The following SYT16 variants were observed in gnomAD, a reference collection of about 807,000 sequenced individuals.
SYT16 encodes the protein synaptotagmin 16.
SYT16 carries 42 observed loss-of-function variants against 61.4 expected under a neutral mutation model. That is an observed-to-expected ratio of 0.68 (90% CI 0.53 to 0.89). The LOEUF is 0.89. Among genes scored for constraint, SYT16 ranks in the 40% least tolerant of loss-of-function variants. The pLI is 0.00. For synonymous variants in SYT16, 314 were observed against 302.3 expected (o/e 1.04, Z -0.40); for missense variants, 804 against 807.3 (o/e 1.00, Z 0.05).
Position 62,105,464 on chromosome 14 carries a change from A to T in SYT16, c.*4757A>T, listed in dbSNP as rs1434636387. 1 of 152,246 alleles carries T rather than the reference A, an allele frequency of 6.6e-6. No homozygotes were observed. Among genetic ancestry groups the T allele is most frequent in the Non-Finnish European group, 1.5e-5 (1 of 68,042 alleles). The allele number at this position is 152,246 out of a possible 1,614,324, so 9.4% of individuals were successfully genotyped here. On this transcript the variant is annotated 3_prime_UTR_variant, in exon 8 of 8. Coordinates refer to ENST00000683842, the MANE Select transcript of SYT16 (RefSeq NM_001367656.1). ...TTATATCCTGATAGCCAAACATTTT[A>T]AAATACTCTAATAACACAGCTCTCA... is the stretch of plus-strand genomic sequence containing the variant.
chr14:61,942,209 AT>A (rs1168949148), intron 1 of SYT16, among the ~76,000 whole-genome samples: 7 of 152,110 alleles, frequency 4.6e-5, no homozygotes, highest in Non-Finnish European at 5.9e-5. Context: ...ATCATTTCTT[AT>A]TTTATAATAG....
At chr14:61,861,801 C>T (rs1453191872) in intron 1 of SYT16, among the ~76,000 whole-genome samples, 1 of 152,182 alleles carries the variant, frequency 6.6e-6, no homozygotes, top group Non-Finnish European at 1.5e-5. Flanking sequence ...AAGTGAGTCA[C>T]ACAAATGTTT....
At chr14:61,947,868 C>T (rs1428984935) in intron 1 of SYT16, among the ~76,000 whole-genome samples, 3 of 152,186 alleles carry the variant, frequency 2.0e-5, no homozygotes, top group South Asian at 2.1e-4. Context: ...GAGGCGTTGA[C>T]TTTCCAGAGG....
At chr14:61,927,618 T>G (rs2049588876) in intron 1 of SYT16, among the ~76,000 whole-genome samples, 1 of 152,212 alleles carries the variant, frequency 6.6e-6, no homozygotes, top group South Asian at 2.1e-4. Flanking sequence ...GATTAAATTA[T>G]TAAGGCAGAA....
intron 1 of SYT16, among the ~76,000 whole-genome samples, chr14:61,925,567 A>G (rs1470783583): frequency 6.6e-6 from 1 of 152,212 alleles, no homozygotes; most frequent in Non-Finnish European, 1.5e-5. Flanking sequence ...ATGTACAAAA[A>G]AGGGGGTTTC....
intron 3 of SYT16, among the ~76,000 whole-genome samples, chr14:62,057,612 G>T (rs2055623291): frequency 1.3e-5 from 2 of 152,190 alleles, no homozygotes; most frequent in African/African-American, 4.8e-5. Flanking sequence ...AGGAAGACAA[G>T]TACTTATTGG....
At chr14:61,975,140 T>C (rs2051731591) in intron 2 of SYT16, among the ~76,000 whole-genome samples, 1 of 152,348 alleles carries the variant, frequency 6.6e-6, no homozygotes, top group East Asian at 1.9e-4. Flanking sequence ...CCATCATAAA[T>C]TGAGAATATT....
chr14:61,865,167 GC>G, intron 1 of SYT16: 1 of 1,215,162 alleles, frequency 8.2e-7, no homozygotes, highest in Non-Finnish European at 1.2e-6. Context: ...CAGTTACTGG[GC>G]CCAGAGGATC....
intron 1 of SYT16, among the ~76,000 whole-genome samples, chr14:61,935,524 G>A (rs1458982381): frequency 6.6e-6 from 1 of 152,162 alleles, no homozygotes; most frequent in Admixed American, 6.5e-5. Flanking sequence ...GGGCACCTTG[G>A]TCATTCTCTA....
intron 3 of SYT16, among the ~76,000 whole-genome samples, chr14:62,033,439 TA>T (rs1050756727): frequency 4.6e-5 from 7 of 152,154 alleles, no homozygotes; most frequent in Admixed American, 3.9e-4. Context: ...TACTTGGTTA[TA>T]AAAAAGGATA....
intron 3 of SYT16, among the ~76,000 whole-genome samples, chr14:62,014,169 C>G (rs915881546): frequency 1.3e-5 from 2 of 152,038 alleles, no homozygotes; most frequent in South Asian, 2.1e-4. Context: ...TAGTCTGGAC[C>G]TCTTTCGAAC....
intron 3 of SYT16, among the ~76,000 whole-genome samples, chr14:62,034,894 C>G (rs2054448855): frequency 6.6e-6 from 1 of 152,090 alleles, no homozygotes; most frequent in African/African-American, 2.4e-5. Context: ...AAAAGGCTTC[C>G]TCACAAACAA....
intron 1 of SYT16, among the ~76,000 whole-genome samples, chr14:61,910,138 T>C (rs1235580385): frequency 6.6e-6 from 1 of 152,246 alleles, no homozygotes; most frequent in African/African-American, 2.4e-5. Context: ...CTATCATTCA[T>C]ATCCATATAA....
intron 3 of SYT16, among the ~76,000 whole-genome samples, chr14:62,031,319 C>G (rs1295620405): frequency 6.6e-6 from 1 of 152,190 alleles, no homozygotes; most frequent in Non-Finnish European, 1.5e-5. Context: ...ATTTGCTGGT[C>G]TATTCACATT....
intron 2 of SYT16, among the ~76,000 whole-genome samples, chr14:61,978,420 A>G (rs1185672168): frequency 2.0e-5 from 3 of 152,244 alleles, no homozygotes; most frequent in Non-Finnish European, 2.9e-5. Flanking sequence ...GACACTTATG[A>G]TAGAGATTGT....
intron 1 of SYT16, among the ~76,000 whole-genome samples, chr14:61,942,874 A>G (rs533329525): frequency 2.0e-3 from 306 of 152,230 alleles, no homozygotes; most frequent in African/African-American, 7.1e-3. Context: ...TTCTCATAAC[A>G]AAGATCAGAA....
At chr14:61,888,078 T>C (rs1020889208) in intron 1 of SYT16, among the ~76,000 whole-genome samples, 1 of 152,166 alleles carries the variant, frequency 6.6e-6, no homozygotes, top group African/African-American at 2.4e-5. Flanking sequence ...ACTTGAACAC[T>C]TACAGGCCAT....
intron 1 of SYT16, among the ~76,000 whole-genome samples, chr14:61,876,362 A>G (rs1176567902): frequency 6.6e-6 from 1 of 152,214 alleles, no homozygotes; most frequent in African/African-American, 2.4e-5. Context: ...TCTAAATGAG[A>G]ACCACATTTA....
At chr14:62,095,793 C>T (rs2057255365) in intron 7 of SYT16, among the ~76,000 whole-genome samples, 1 of 151,852 alleles carries the variant, frequency 6.6e-6, no homozygotes, top group South Asian at 2.1e-4. Flanking sequence ...TTGGCAAACT[C>T]ATTCTAAAAT....
Sources: gnomAD v4.1 joint callset for allele counts (sites outside exome capture counted in the v4.1 genomes callset) on GRCh38, gnomAD v4.1.1 for gene constraint, MANE v1.5 for transcripts, NCBI Gene and HGNC (gene_info 2026-07-23, HGNC 2026-07-21) for gene names.